The following GSDMC variants were observed in gnomAD, a reference collection of about 807,000 sequenced individuals.
GSDMC encodes gasdermin-C.
Under a neutral mutation model 58.0 loss-of-function variants are expected in GSDMC, and 59 were observed. The ratio of observed to expected loss-of-function variants is 1.02; its 90% CI spans 0.82 to 1.26. The LOEUF (loss-of-function observed/expected upper bound fraction) is 1.26. Among genes scored for constraint, GSDMC ranks in the 50% most tolerant of loss-of-function variants. GSDMC has a pLI of 0.00. For missense variants in GSDMC, 659 were observed against 598.5 expected, an observed-to-expected ratio of 1.10 and a Z score of -1.06; for synonymous variants, 241 against 220.2, an observed-to-expected ratio of 1.09 and a Z score of -0.83.
the GSDMC span, among the ~76,000 whole-genome samples, chr8:129,739,353 G>C: frequency 2.0e-5 from 3 of 152,200 alleles, no homozygotes; most frequent in Admixed American, 1.3e-4. Flanking sequence ...CTTTGAACTA[G>C]AGGGGAAATT....
At chr8:129,752,855 C>T in intron 6 of GSDMC, 35 bp from the exon 7 acceptor site, 1 of 1,613,660 alleles carries the variant, frequency 6.2e-7, no homozygotes, top group Non-Finnish European at 8.5e-7. Flanking sequence ...GACTGGGTAA[C>T]TTTACATTGA....
rs560324887 is a variant in GSDMC, at chr8:129,765,553, T to C, written c.570+75A>G. 11 of 1,037,436 alleles carry C rather than the reference T, an allele frequency of 1.1e-5. No homozygotes were observed. In the East Asian group the frequency reaches 1.2e-4, roughly 11 times the overall value. The allele number at this position is 1,037,436 out of a possible 1,614,324, so 64.3% of individuals were successfully genotyped here. On this transcript the variant is annotated intron_variant, in intron 4 of 13. Coordinates refer to ENST00000276708, the MANE Select transcript of GSDMC (RefSeq NM_031415.3). The stretch of plus-strand genomic sequence containing the variant: ...CCTGGAAATAGAGTCCAGAGCCCCC[T>C]AGGAAATGAAGCTTGGCTGCCAGGA...
chr8:129,724,817 A>G, the GSDMC span, among the ~76,000 whole-genome samples: 5 of 152,146 alleles, frequency 3.3e-5, no homozygotes, highest in Non-Finnish European at 7.3e-5. Context: ...GGAGCTACCT[A>G]TAGAAGGAAT....
the GSDMC span, among the ~76,000 whole-genome samples, chr8:129,710,609 C>T: frequency 6.6e-6 from 1 of 152,166 alleles, no homozygotes; most frequent in South Asian, 2.1e-4. Flanking sequence ...AAATACCTGA[C>T]TTTGTTCTTA....
the GSDMC span, among the ~76,000 whole-genome samples, chr8:129,713,190 A>C: frequency 6.6e-6 from 1 of 152,232 alleles, no homozygotes; most frequent in African/African-American, 2.4e-5. Flanking sequence ...GAGACAGCAC[A>C]ATGCTCCAAG....
At chr8:129,762,079 T>G (rs1401963121) in intron 5 of GSDMC, among the ~76,000 whole-genome samples, 1 of 152,226 alleles carries the variant, frequency 6.6e-6, no homozygotes, top group East Asian at 1.9e-4. Flanking sequence ...CACAGATGCT[T>G]CTGCCCACAT....
Position 129,751,869 on chromosome 8 carries a change from G to A in GSDMC, c.909C>T (p.Leu303=). The part of the protein sequence containing the change: ...HLPKYEQVHI[L]PVGRIEEPFW... ...CAGCAAACTCACACTCACCTACTGG[G>A]AGGATGTGAACTTGTTCGTATTCTA... The change falls in exon 9 of 14, where the codon CTC becomes CTT. Residue 303 remains leucine, a synonymous_variant. Transcript: ENST00000276708. 6.2e-7 allele frequency: 1 copy of A among 1,613,142 alleles called. No homozygotes were observed.
intron 1 of GSDMC, among the ~76,000 whole-genome samples, chr8:129,780,783 T>C (rs1202256623): frequency 6.6e-6 from 1 of 152,164 alleles, no homozygotes; most frequent in East Asian, 1.9e-4. Context: ...TAAACTACTC[T>C]TACCTTAAGT....
chr8:129,706,897 C>A, the GSDMC span, among the ~76,000 whole-genome samples: 2 of 152,164 alleles, frequency 1.3e-5, no homozygotes, highest in Admixed American at 6.5e-5. Flanking sequence ...TGCATTACAC[C>A]ATTTGTTCAT....
At chr8:129,716,989 C>T in the GSDMC span, among the ~76,000 whole-genome samples, 3 of 152,112 alleles carry the variant, frequency 2.0e-5, no homozygotes, top group Non-Finnish European at 4.4e-5. Flanking sequence ...GGTGGATAAG[C>T]TTTTTGATGT....
intron 1 of GSDMC, among the ~76,000 whole-genome samples, chr8:129,783,166 G>T (rs775600608): frequency 6.6e-6 from 1 of 152,042 alleles, no homozygotes; most frequent in Non-Finnish European, 1.5e-5. Flanking sequence ...ATCCCTTGAT[G>T]ATAAAACCCC....
At chr8:129,721,868 G>A in the GSDMC span, among the ~76,000 whole-genome samples, 10 of 152,234 alleles carry the variant, frequency 6.6e-5, no homozygotes, top group East Asian at 5.8e-4. Context: ...AGAACAATGC[G>A]CTGTATGTTT....
chr8:129,772,132 GC>G (rs1367582951), intron 3 of GSDMC, among the ~76,000 whole-genome samples: 14 of 152,086 alleles, frequency 9.2e-5, no homozygotes, highest in African/African-American at 3.4e-4. Context: ...ATGGTGGCAG[GC>G]GCCTGTAGTC....
chr8:129,751,245 G>C (rs1303826978), intron 10 of GSDMC, among the ~76,000 whole-genome samples: 1 of 152,202 alleles, frequency 6.6e-6, no homozygotes, highest in Non-Finnish European at 1.5e-5. Flanking sequence ...GGGGCCCTCT[G>C]TCTCTCCCAG....
intron 6 of GSDMC, among the ~76,000 whole-genome samples, chr8:129,756,137 G>A (rs1351214578): frequency 2.0e-5 from 3 of 148,978 alleles, no homozygotes; most frequent in African/African-American, 7.4e-5. Flanking sequence ...GATACACATA[G>A]ACTGAAAATA....
At chr8:129,723,043 AT>A in the GSDMC span, 1 of 152,210 alleles carries the variant, frequency 6.6e-6, no homozygotes, top group East Asian at 1.9e-4. Flanking sequence ...CACCAAAAAC[AT>A]TTTCAAACAA....
intron 7 of GSDMC, 86 bp from the exon 8 acceptor site, chr8:129,752,233 C>T: frequency 1.1e-6 from 1 of 947,804 alleles, no homozygotes; most frequent in Admixed American, 1.9e-5. Context: ...CTTGGTCTCA[C>T]CTCTAACTCC....
At chr8:129,728,718 T>A in the GSDMC span, 1 of 422,438 alleles carries the variant, frequency 2.4e-6, no homozygotes, top group Non-Finnish European at 4.5e-6. Context: ...ATAAGCACCA[T>A]CTACTGGCTT....
the GSDMC span, among the ~76,000 whole-genome samples, chr8:129,736,760 A>T: frequency 6.6e-6 from 1 of 152,224 alleles, no homozygotes; most frequent in East Asian, 1.9e-4. Context: ...CACCACTCCT[A>T]TTCAACATAG....
Sources: allele counts gnomAD v4.1 joint callset (sites outside exome capture counted in the v4.1 genomes callset), GRCh38; gene constraint gnomAD v4.1.1; transcripts MANE v1.5; gene names NCBI Gene and HGNC (gene_info 2026-07-23, HGNC 2026-07-21).